HIBCH: variants seen among roughly 807,000 people sequenced by gnomAD.
The protein encoded by HIBCH is 3-hydroxyisobutyryl-CoA hydrolase.
HIBCH carries 50 observed loss-of-function variants against 58.2 expected under a neutral mutation model. That is an observed-to-expected ratio of 0.86 (90% CI 0.68 to 1.09). HIBCH has a LOEUF of 1.09. Among genes scored for constraint, HIBCH ranks in the 50% least tolerant of loss-of-function variants. The pLI is 0.00. For missense variants in HIBCH, 450 were observed against 449.7 expected, an observed-to-expected ratio of 1.00 and a Z score of -0.01; for synonymous variants, 151 against 146.9, an observed-to-expected ratio of 1.03 and a Z score of -0.20.
In HIBCH at chr2:190,306,829, CATGA is replaced by C. The variant is rs1289849116; in HGVS notation, c.78+3921_78+3924del. ...GAGGTAATTAGGTCATGTCAGCCCTCATGAATGAGATTAACGCCCTTATAAAAGA... is the reference window on the plus strand; with the variant it reads ...GAGGTAATTAGGTCATGTCAGCCCTCATGAGATTAACGCCCTTATAAAAGA... On this transcript the variant is annotated intron_variant, in intron 2 of 13. Coordinates refer to ENST00000359678, the MANE Select transcript of HIBCH (RefSeq NM_014362.4). This position sits in a 1 kb window ranked among gnomAD's most constrained non-coding sequence, Gnocchi z 4.6. 6.6e-6 allele frequency among the ~76,000 whole-genome samples: 1 copy of C among 152,136 alleles called. No individual in the cohort carries two copies. The highest frequency in any genetic ancestry group is 2.4e-5 in the African/African-American group (1 of 41,430).
At chr2:190,298,379 GCGT>G (rs1247352896) in intron 2 of HIBCH, among the ~76,000 whole-genome samples, 1 of 148,358 alleles carries the variant, frequency 6.7e-6, no homozygotes, top group Non-Finnish European at 1.5e-5. Flanking sequence ...CAGCGTAAAA[GCGT>G]TCTTATTTCT....
intron 1 of HIBCH, among the ~76,000 whole-genome samples, chr2:190,314,328 T>TAC (rs1491383953): frequency 1.5e-3 from 6 of 3,876 alleles, no homozygotes; most frequent in South Asian, 0.033. Context: ...TATGTATATA[T>TAC]GTATATATAC....
In HIBCH at chr2:190,231,713, G is replaced by C. The variant is rs150266351; in HGVS notation, c.891+13174C>G. ...GCTGGTGAGAAGGGAGAAATAAAGG[G>C]GGTATGAGACGGAGGAAGGAAGGGA... On this transcript the variant is annotated intron_variant, in intron 11 of 13. Coordinates refer to ENST00000359678, the MANE Select transcript of HIBCH (RefSeq NM_014362.4). 1.4e-3 allele frequency among the ~76,000 whole-genome samples: 219 copies of C among 152,130 alleles called. 1 individual carries two copies. The highest frequency in any genetic ancestry group is 5.1e-3 in the African/African-American group (213 of 41,498).
Position 190,214,125 on chromosome 2 carries a change from C to T in HIBCH, c.892-1050G>A, listed in dbSNP as rs923408167. ...GCCTGCTCTGGACATCTTGGCTCCC[C>T]GCAGAAGCCACAGACAAACCCAAGT... On this transcript the variant is annotated intron_variant, in intron 11 of 13. Coordinates refer to ENST00000359678, the MANE Select transcript of HIBCH (RefSeq NM_014362.4). This position sits in a 1 kb window ranked among gnomAD's most constrained non-coding sequence, Gnocchi z 5.5. The T allele has an allele frequency of 1.3e-5, 2 of 152,108 alleles. No homozygotes were observed. Among genetic ancestry groups the T allele is most frequent in the African/African-American group, 2.4e-5 (1 of 41,408 alleles). 9.4% of individuals were successfully genotyped at this position (152,108 alleles called of 1,614,324 possible).
chr2:190,239,764 C>T (rs1481373726), intron 11 of HIBCH, among the ~76,000 whole-genome samples: 1 of 151,856 alleles, frequency 6.6e-6, no homozygotes, highest in East Asian at 1.9e-4. Context: ...ATTCTCCTGC[C>T]TCAGCCTCCT....
intron 7 of HIBCH, among the ~76,000 whole-genome samples, chr2:190,259,110 G>T (rs1687012287): frequency 6.6e-6 from 1 of 151,978 alleles, no homozygotes; most frequent in Non-Finnish European, 1.5e-5. Context: ...GTCTTCTTTG[G>T]TTCCATATGA....
At chr2:190,295,409 A>G (rs1462587099) in intron 3 of HIBCH, among the ~76,000 whole-genome samples, 1 of 152,222 alleles carries the variant, frequency 6.6e-6, no homozygotes, top group Non-Finnish European at 1.5e-5. Context: ...CCTGAAAGTA[A>G]TTAATTTTTC....
chr2:190,250,865 G>C (rs1474276527), intron 8 of HIBCH, among the ~76,000 whole-genome samples: 1 of 152,188 alleles, frequency 6.6e-6, no homozygotes, highest in Non-Finnish European at 1.5e-5. Context: ...TTTATGAAGA[G>C]AATTCTATTA....
In HIBCH at chr2:190,310,924, T is replaced by C; in HGVS notation, c.36-128A>G. 1.6e-5 allele frequency: 12 copies of C among 736,220 alleles called. No homozygotes were observed. In the South Asian group the frequency reaches 1.8e-4, roughly 11 times the overall value. 45.6% of individuals were successfully genotyped at this position (736,220 alleles called of 1,614,324 possible). ...TACCAGAACAAAAAGTTTTAAAAGG[T>C]TTAGCTCTCATTCACTGCTGGTAGG... is the stretch of plus-strand genomic sequence containing the variant. On this transcript the variant is annotated intron_variant, in intron 1 of 13. Coordinates refer to ENST00000359678, the MANE Select transcript of HIBCH (RefSeq NM_014362.4).
In HIBCH at chr2:190,308,685, G is replaced by A. The variant is rs143580854; in HGVS notation, c.78+2069C>T. On this transcript the variant is annotated intron_variant, in intron 2 of 13. Coordinates refer to ENST00000359678, the MANE Select transcript of HIBCH (RefSeq NM_014362.4). ...CTTGACCTTGGACTTCTCAACCTCC[G>A]TAACGATAAGAAATAAATTCCTTTT... Among the ~76,000 whole-genome samples the A allele has an allele frequency of 2.7e-4, 41 of 152,238 alleles. 1 individual carries two copies. Among genetic ancestry groups the A allele is most frequent in the Admixed American group, 3.9e-4 (6 of 15,298 alleles).
chr2:190,199,989 T>C, downstream of HIBCH: 1 of 1,614,122 alleles, frequency 6.2e-7, no homozygotes. Flanking sequence ...CTCCAGTTAA[T>C]GTCAAAGAGG....
At chr2:190,230,149 G>A (rs757823045) in intron 11 of HIBCH, among the ~76,000 whole-genome samples, 4 of 152,134 alleles carry the variant, frequency 2.6e-5, no homozygotes, top group Admixed American at 6.5e-5. Flanking sequence ...TGTGCTGTCT[G>A]TGCCCCTTAA....
chr2:190,296,698 A>C (rs186250201), intron 3 of HIBCH, 115 bp downstream of exon 3: 52 of 946,374 alleles, frequency 5.5e-5, no homozygotes, highest in Non-Finnish European at 8.4e-5. Flanking sequence ...GATGGGGCTT[A>C]CTTAGATGCA....
At chr2:190,190,163 C>A (rs1558996974) in intron 1 of HIBCH, among the ~76,000 whole-genome samples, 1 of 152,132 alleles carries the variant, frequency 6.6e-6, no homozygotes, top group Non-Finnish European at 1.5e-5. Flanking sequence ...AACTAACATA[C>A]CAATTAAGAT....
rs1553505756 is a variant in HIBCH at position 190,294,022 on chromosome 2, G to GTATATATA, written c.304+516_304+523dup. Among the ~76,000 whole-genome samples, 312 of 82,960 alleles carry GTATATATA rather than the reference G, an allele frequency of 3.8e-3. 1 individual carries two copies. The highest frequency in any genetic ancestry group is 0.026 in the South Asian group (61 of 2,338). 54.4% of individuals were successfully genotyped at this position (82,960 alleles called of 152,430 possible). ...ATATTTTGTAATATATATTTTGTGT[G>GTATATATA]TATATATATATATATATATATATAT... On this transcript the variant is annotated intron_variant, in intron 4 of 13. Coordinates refer to ENST00000359678, the MANE Select transcript of HIBCH (RefSeq NM_014362.4).
chr2:190,319,806 C>A lies in HIBCH; in HGVS notation c.-56G>T, dbSNP rs1175270361. ...GCGAGAATCTCCCGGACCGTTCCAG[C>A]GCCTCGCGTGAGCCCCGCCCACCGC... is the stretch of plus-strand genomic sequence containing the variant. On this transcript the variant is annotated 5_prime_UTR_variant, in exon 1 of 14. Coordinates refer to ENST00000359678, the MANE Select transcript of HIBCH (RefSeq NM_014362.4). 1.6e-5 allele frequency: 26 copies of A among 1,584,080 alleles called. No homozygotes were observed. The highest frequency in any genetic ancestry group is 2.7e-5 in the African/African-American group (2 of 74,426).
chr2:190,307,650 C>A (rs1262902007), intron 2 of HIBCH, among the ~76,000 whole-genome samples: 2 of 152,052 alleles, frequency 1.3e-5, no homozygotes, highest in South Asian at 2.1e-4. Context: ...GGCAACACAG[C>A]AAGACCTTGT....
intron 1 of HIBCH, among the ~76,000 whole-genome samples, chr2:190,195,940 GCTT>G (rs1689949548): frequency 2.9e-5 from 1 of 34,362 alleles, no homozygotes; most frequent in Admixed American, 3.0e-4. Context: ...ACTGTGTCCA[GCTT>G]TTTTTTTTTT....
chr2:190,262,543 C>T (rs912236900), intron 6 of HIBCH, among the ~76,000 whole-genome samples: 1 of 152,236 alleles, frequency 6.6e-6, no homozygotes, highest in African/African-American at 2.4e-5. Context: ...TGCTTTTCCT[C>T]CCAACACAAC....
Sources: gnomAD v4.1 joint callset for allele counts (sites outside exome capture counted in the v4.1 genomes callset) on GRCh38, gnomAD v4.1.1 for gene constraint, Gnocchi (gnomAD v3.1) non-coding constraint, MANE v1.5 for transcripts, NCBI Gene and HGNC (gene_info 2026-07-23, HGNC 2026-07-21) for gene names.